Variants in SDK1 observed in about 807,000 individuals in gnomAD.
SDK1 encodes the protein sidekick cell adhesion molecule 1, also known as protein sidekick-1.
Under a neutral mutation model 245.5 loss-of-function variants are expected in SDK1, and 157 were observed. That is an observed-to-expected ratio of 0.64 (90% CI 0.56 to 0.73). The LOEUF is 0.73. Ranked by LOEUF, SDK1 falls within the 30% of genes least tolerant of loss-of-function variation. The probability of loss-of-function intolerance (pLI) is 0.00; values close to 1 mark genes in which losing one functional copy is unlikely to be tolerated. For missense variants in SDK1, 3,583 were observed against 3,002.3 expected (o/e 1.19, Z -4.52); for synonymous variants, 1,647 against 1,278.5 (o/e 1.29, Z -6.15).
intron 1 of SDK1, among the ~76,000 whole-genome samples, chr7:3,314,638 A>G (rs1172188060): frequency 2.6e-5 from 4 of 152,216 alleles, no homozygotes; most frequent in African/African-American, 9.6e-5. Flanking sequence ...ATGGAATGTT[A>G]TAGTTGGAAA....
rs548464958 is a variant in SDK1 at position 3,424,761 on chromosome 7, G to A, written c.298+122877G>A. On this transcript the variant is annotated intron_variant, in intron 1 of 44. Transcript: ENST00000404826. ...AAAATAAAAAAACTAGCCAGGCATG[G>A]TGGCGTGCACCTGTAGTCCTAGCTG... 6.6e-5 allele frequency among the ~76,000 whole-genome samples: 10 copies of A among 152,164 alleles called. No homozygotes were observed. In the South Asian group the frequency reaches 1.5e-3, roughly 22 times the overall value.
chr7:3,464,992 T>C (rs915836462), intron 1 of SDK1, among the ~76,000 whole-genome samples: 10 of 152,146 alleles, frequency 6.6e-5, no homozygotes, highest in Admixed American at 1.3e-4. Flanking sequence ...AAGGCTAACA[T>C]TGTTGCTAAC....
At chr7:3,822,788 A>G (rs1476487932) in intron 5 of SDK1, among the ~76,000 whole-genome samples, 1 of 151,744 alleles carries the variant, frequency 6.6e-6, no homozygotes, top group African/African-American at 2.4e-5. Context: ...AAAAAAAAAA[A>G]GAAAAGTATG....
rs1782496489 is a variant in SDK1, at chr7:3,971,654, G to T, written c.1817+86G>T. ...AAGTTGAGATGAGGAGGAAGAATTG[G>T]GGGAACTTTTGATTTCAGCAGCAGG... On this transcript the variant is annotated intron_variant, in intron 12 of 44. Coordinates refer to ENST00000404826, the MANE Select transcript of SDK1 (RefSeq NM_152744.4). 3.9e-6 allele frequency: 4 copies of T among 1,021,126 alleles called. No individual in the cohort carries two copies. In the Admixed American group the frequency reaches 8.0e-5, roughly 20 times the overall value. 63.3% of individuals were successfully genotyped at this position (1,021,126 alleles called of 1,614,324 possible). A position where few individuals can be genotyped will look rare whatever the true frequency, so the allele number is the denominator to read the frequency against.
chr7:3,532,711 T>C (rs976559206), intron 1 of SDK1, among the ~76,000 whole-genome samples: 2 of 152,192 alleles, frequency 1.3e-5, no homozygotes, highest in African/African-American at 4.8e-5. Flanking sequence ...CTCACTTTCT[T>C]ACCTATGTTG....
At chr7:3,987,455 A>C (rs1349872055) in intron 14 of SDK1, 133 bp downstream of exon 14, 2 of 917,546 alleles carry the variant, frequency 2.2e-6, no homozygotes, top group African/African-American at 3.4e-5. Context: ...ACAGGGTTTC[A>C]AACACAGCCT....
At chr7:3,501,148 C>T (rs1335153279) in intron 1 of SDK1, among the ~76,000 whole-genome samples, 1 of 152,128 alleles carries the variant, frequency 6.6e-6, no homozygotes, top group Non-Finnish European at 1.5e-5. Flanking sequence ...GATTAAAGAT[C>T]TGGGCATATT....
intron 4 of SDK1, among the ~76,000 whole-genome samples, chr7:3,720,070 C>T (rs1057239784): frequency 6.6e-5 from 10 of 151,378 alleles, no homozygotes; most frequent in Non-Finnish European, 1.5e-4. Flanking sequence ...ACCAAAGGTA[C>T]GATTTACAAA....
intron 19 of SDK1, among the ~76,000 whole-genome samples, chr7:4,064,829 A>G (rs1179055809): frequency 6.6e-6 from 1 of 152,134 alleles, no homozygotes; most frequent in Non-Finnish European, 1.5e-5. Flanking sequence ...GTTCTCACTC[A>G]TAAGTAGTAG....
chr7:3,750,401 A>G (rs1212871442), intron 4 of SDK1, among the ~76,000 whole-genome samples: 1 of 152,232 alleles, frequency 6.6e-6, no homozygotes, highest in Non-Finnish European at 1.5e-5. Context: ...ACTGCCTTCT[A>G]TAAGTAATGT....
intron 18 of SDK1, 107 bp from the exon 19 acceptor site, chr7:4,051,531 A>T: frequency 1.0e-6 from 1 of 954,324 alleles, no homozygotes; most frequent in Non-Finnish European, 1.6e-6. Flanking sequence ...GGACTTTCTT[A>T]ATTATGACTT....
chr7:4,041,598 G>A (rs994764906), intron 17 of SDK1, among the ~76,000 whole-genome samples: 5 of 151,960 alleles, frequency 3.3e-5, no homozygotes, highest in African/African-American at 7.3e-5. Context: ...TGCTCCTCCT[G>A]TTCACCCCTC....
At chr7:4,086,639 C>T (rs766648439) in intron 22 of SDK1, among the ~76,000 whole-genome samples, 33 of 152,260 alleles carry the variant, frequency 2.2e-4, no homozygotes, top group Non-Finnish European at 4.4e-4. Context: ...CTTCTCATCT[C>T]TCTGGCCCAC....
intron 4 of SDK1, among the ~76,000 whole-genome samples, chr7:3,644,788 A>T (rs1230521317): frequency 1.6e-5 from 2 of 121,338 alleles, no homozygotes; most frequent in Non-Finnish European, 3.7e-5. Flanking sequence ...AAAAAAAAAA[A>T]AAAACAAAAA....
chr7:3,460,522 C>T (rs758315566), intron 1 of SDK1, among the ~76,000 whole-genome samples: 8 of 152,140 alleles, frequency 5.3e-5, no homozygotes, highest in Admixed American at 5.2e-4. Flanking sequence ...GGAAGGAATT[C>T]GGATAATTTA....
chr7:3,972,463 G>A (rs746394896), intron 12 of SDK1, among the ~76,000 whole-genome samples: 44 of 152,338 alleles, frequency 2.9e-4, no homozygotes, highest in Middle Eastern at 3.4e-3. Flanking sequence ...GACTCCAGGT[G>A]AAGTTGTGGT....
chr7:3,724,337 C>A (rs556742842), intron 4 of SDK1, among the ~76,000 whole-genome samples: 3 of 152,118 alleles, frequency 2.0e-5, no homozygotes, highest in African/African-American at 7.2e-5. Flanking sequence ...CTTTGGGAGA[C>A]TGAGGCAGGA....
Position 4,220,296 on chromosome 7 carries a change from A to G in SDK1, c.5701+26A>G, listed in dbSNP as rs562376607. On this transcript the variant is annotated intron_variant, in intron 39 of 44. Coordinates refer to ENST00000404826, the MANE Select transcript of SDK1 (RefSeq NM_152744.4). ...GTAAGTGGAACTCCAGGGGCAGACA[A>G]TGTCAATTGCAACTTTAGCCTCCCG... 6.9e-6 allele frequency: 11 copies of G among 1,602,786 alleles called. No homozygotes were observed. The African/African-American group carries it at 8.0e-5, about 12-fold the overall frequency.
intron 4 of SDK1, among the ~76,000 whole-genome samples, chr7:3,671,333 C>G (rs1411763942): frequency 2.6e-5 from 4 of 152,086 alleles, no homozygotes; most frequent in African/African-American, 9.7e-5. Flanking sequence ...TGAGTCTAGC[C>G]CATCAGGGAC....
Sources: allele counts gnomAD v4.1 joint callset (sites outside exome capture counted in the v4.1 genomes callset), GRCh38; gene constraint gnomAD v4.1.1; transcripts MANE v1.5; gene names NCBI Gene and HGNC (gene_info 2026-07-23, HGNC 2026-07-21).